SPOCK3: variants seen among roughly 807,000 people sequenced by gnomAD.
SPOCK3 encodes the protein testican-3.
A neutral mutation model predicts 56.6 loss-of-function variants in SPOCK3; 30 were observed. That is an observed-to-expected ratio of 0.53 (90% CI 0.40 to 0.72). The LOEUF (loss-of-function observed/expected upper bound fraction) is 0.72. Ranked by LOEUF, SPOCK3 falls within the 30% of genes least tolerant of loss-of-function variation. The pLI is 0.00. For synonymous variants in SPOCK3, 196 were observed against 183.3 expected, an observed-to-expected ratio of 1.07 and a Z score of -0.56; for missense variants, 527 against 530.0, an observed-to-expected ratio of 0.99 and a Z score of 0.06.
At chr4:167,164,284 T>C (rs944053130) in intron 2 of SPOCK3, among the ~76,000 whole-genome samples, 5 of 152,234 alleles carry the variant, frequency 3.3e-5, no homozygotes, top group Non-Finnish European at 7.4e-5. Context: ...ACCATAATCA[T>C]GTGAGGTTTT....
At chr4:166,763,899 T>A (rs1737585882) in intron 7 of SPOCK3, among the ~76,000 whole-genome samples, 1 of 152,160 alleles carries the variant, frequency 6.6e-6, no homozygotes, top group African/African-American at 2.4e-5. Context: ...AAGCTGAAAG[T>A]CCAACAGAGA....
chr4:166,997,751 T>C (rs1748537569), intron 4 of SPOCK3, among the ~76,000 whole-genome samples: 1 of 152,112 alleles, frequency 6.6e-6, no homozygotes, highest in Admixed American at 6.6e-5. Flanking sequence ...GAAATGAGTG[T>C]GATATATTGT....
intron 3 of SPOCK3, among the ~76,000 whole-genome samples, chr4:167,047,093 C>T (rs552480710): frequency 2.0e-5 from 3 of 152,160 alleles, no homozygotes; most frequent in Admixed American, 2.0e-4. Flanking sequence ...AAAACAAAGA[C>T]CAAGTGAATT....
At chr4:167,107,679 G>T (rs1046719342) in intron 2 of SPOCK3, among the ~76,000 whole-genome samples, 1 of 151,768 alleles carries the variant, frequency 6.6e-6, no homozygotes, top group African/African-American at 2.4e-5. Context: ...GTTTGCTGAT[G>T]ATATAACTTT....
intron 6 of SPOCK3, among the ~76,000 whole-genome samples, chr4:166,806,337 C>A (rs1034251349): frequency 1.3e-5 from 2 of 151,984 alleles, no homozygotes; most frequent in African/African-American, 4.8e-5. Context: ...TTTATATCTT[C>A]TATTTTACAG....
intron 10 of SPOCK3, among the ~76,000 whole-genome samples, chr4:166,736,149 C>T (rs1055996576): frequency 1.8e-4 from 27 of 152,002 alleles, no homozygotes; most frequent in African/African-American, 5.6e-4. Context: ...CACTAAAATT[C>T]CCATCTTAAC....
At chr4:166,968,326 G>A (rs1456410526) in intron 4 of SPOCK3, among the ~76,000 whole-genome samples, 4 of 152,310 alleles carry the variant, frequency 2.6e-5, no homozygotes, top group African/African-American at 9.6e-5. Flanking sequence ...TAATAGCTGA[G>A]ACAATGGAGA....
chr4:166,857,026 C>T (rs1020195036), intron 6 of SPOCK3, among the ~76,000 whole-genome samples: 1 of 152,126 alleles, frequency 6.6e-6, no homozygotes, highest in Non-Finnish European at 1.5e-5. Flanking sequence ...TACAAGGCAT[C>T]ATATCATCTG....
At chr4:166,863,124 AC>A (rs1370815441) in intron 6 of SPOCK3, among the ~76,000 whole-genome samples, 1 of 152,152 alleles carries the variant, frequency 6.6e-6, no homozygotes, top group Non-Finnish European at 1.5e-5. Flanking sequence ...CTTAAAGAAA[AC>A]AATTTTCAAC....
At chr4:166,747,552 G>A (rs940192452) in intron 8 of SPOCK3, among the ~76,000 whole-genome samples, 2 of 152,160 alleles carry the variant, frequency 1.3e-5, no homozygotes, top group Admixed American at 6.5e-5. Flanking sequence ...AAAACTGGAA[G>A]CATTCCCTTT....
At chr4:166,966,953 T>C (rs929688985) in intron 4 of SPOCK3, among the ~76,000 whole-genome samples, 4 of 152,068 alleles carry the variant, frequency 2.6e-5, no homozygotes, top group African/African-American at 9.7e-5. Context: ...TCTGATTCAT[T>C]GAAACTCTTA....
At chr4:167,033,378 T>C (rs1312882769) in intron 3 of SPOCK3, among the ~76,000 whole-genome samples, 3 of 136,086 alleles carry the variant, frequency 2.2e-5, no homozygotes, top group South Asian at 4.9e-4. Flanking sequence ...ATTTTCATAA[T>C]ATAAGCAATT....
intron 2 of SPOCK3, among the ~76,000 whole-genome samples, chr4:167,208,196 C>T (rs1441087942): frequency 6.6e-6 from 1 of 151,744 alleles, no homozygotes; most frequent in African/African-American, 2.4e-5. Flanking sequence ...ATCACCATTG[C>T]CGAAAAGTGG....
At chr4:166,954,135 T>C (rs548469974) in intron 4 of SPOCK3, among the ~76,000 whole-genome samples, 18 of 152,250 alleles carry the variant, frequency 1.2e-4, no homozygotes, top group African/African-American at 4.1e-4. Context: ...TAAATCAGGT[T>C]GTTTTCTATT....
At chr4:167,008,678 G>T (rs1377401851) in intron 3 of SPOCK3, among the ~76,000 whole-genome samples, 1 of 152,114 alleles carries the variant, frequency 6.6e-6, no homozygotes, top group Non-Finnish European at 1.5e-5. Flanking sequence ...ATGAAATCAT[G>T]TCCTTTGCCG....
intron 2 of SPOCK3, among the ~76,000 whole-genome samples, chr4:167,065,024 C>T (rs1430305661): frequency 3.7e-5 from 2 of 54,656 alleles, no homozygotes; most frequent in Admixed American, 3.3e-4. Flanking sequence ...ATTTTCAAAT[C>T]CAATGCCCTC....
At chr4:166,915,990 G>A (rs1354584191) in intron 4 of SPOCK3, among the ~76,000 whole-genome samples, 2 of 151,966 alleles carry the variant, frequency 1.3e-5, no homozygotes, top group South Asian at 2.1e-4. Flanking sequence ...TGGAATAAAC[G>A]TATGACTTTC....
At chr4:167,159,923 C>T (rs1026256534) in intron 2 of SPOCK3, among the ~76,000 whole-genome samples, 4 of 152,254 alleles carry the variant, frequency 2.6e-5, no homozygotes, top group Admixed American at 6.5e-5. Context: ...GACAAACCTA[C>T]AGCCAATATC....
chr4:166,770,560 G>A (rs4627894), intron 7 of SPOCK3, among the ~76,000 whole-genome samples: 49,627 of 151,746 alleles, frequency 0.33, 8,301 homozygotes, highest in Admixed American at 0.41. Context: ...AATGTGAATC[G>A]TGAAAAAATA....
Sources: allele counts gnomAD v4.1 joint callset (sites outside exome capture counted in the v4.1 genomes callset), GRCh38; gene constraint gnomAD v4.1.1; transcripts MANE v1.5; gene names NCBI Gene and HGNC (gene_info 2026-07-23, HGNC 2026-07-21).